HAPLN1: variants seen among roughly 807,000 people sequenced by gnomAD.
The protein encoded by HAPLN1 is Cartilage link protein.
Under a neutral mutation model 36.5 loss-of-function variants are expected in HAPLN1, and 13 were observed. That is an observed-to-expected ratio of 0.36 (90% CI 0.23 to 0.57). HAPLN1 has a LOEUF of 0.57. Among genes scored for constraint, HAPLN1 ranks in the 20% least tolerant of loss-of-function variants. HAPLN1 has a pLI of 0.83. For missense variants in HAPLN1, 407 were observed against 439.7 expected, an observed-to-expected ratio of 0.93 and a Z score of 0.66; for synonymous variants, 202 against 169.8, an observed-to-expected ratio of 1.19 and a Z score of -1.48.
chr5:83,685,796 A>G (rs890391250), intron 1 of HAPLN1: 1 of 152,180 alleles, frequency 6.6e-6, no homozygotes, highest in African/African-American at 2.4e-5. Context: ...CAGTTACTCC[A>G]TTATTGGAGT....
At chr5:83,697,472 T>G (rs1036182103) in intron 1 of HAPLN1, among the ~76,000 whole-genome samples, 1 of 152,178 alleles carries the variant, frequency 6.6e-6, no homozygotes, top group Non-Finnish European at 1.5e-5. Context: ...TTTCCACTTT[T>G]GGGCTTTAAT....
At chr5:83,689,554 A>G (rs1159986312) in intron 1 of HAPLN1, among the ~76,000 whole-genome samples, 1 of 152,096 alleles carries the variant, frequency 6.6e-6, no homozygotes, top group Non-Finnish European at 1.5e-5. Context: ...AACTTCAATA[A>G]CTTCACTATT....
At chr5:83,718,931 G>A (rs1284421928) in intron 1 of HAPLN1, among the ~76,000 whole-genome samples, 1 of 152,104 alleles carries the variant, frequency 6.6e-6, no homozygotes, top group East Asian at 1.9e-4. Flanking sequence ...AGATTCAAAG[G>A]ACTTCTTCAA....
intron 2 of HAPLN1, among the ~76,000 whole-genome samples, chr5:83,655,985 A>T (rs1191134833): frequency 6.6e-6 from 1 of 152,184 alleles, no homozygotes; most frequent in African/African-American, 2.4e-5. Context: ...GAATCTGATA[A>T]TTGGATTTAA....
chr5:83,693,940 C>G (rs1243613051), intron 1 of HAPLN1, among the ~76,000 whole-genome samples: 1 of 151,820 alleles, frequency 6.6e-6, no homozygotes, highest in East Asian at 1.9e-4. Context: ...ATACTGTAAA[C>G]CAACCTCACC....
intron 1 of HAPLN1, among the ~76,000 whole-genome samples, chr5:83,713,617 G>A (rs1561326940): frequency 6.6e-6 from 1 of 152,110 alleles, no homozygotes; most frequent in Non-Finnish European, 1.5e-5. Context: ...CTTAAGAAAT[G>A]TGCATTCAAC....
intron 1 of HAPLN1, among the ~76,000 whole-genome samples, chr5:83,680,143 C>T (rs1750964212): frequency 1.3e-5 from 2 of 152,292 alleles, no homozygotes; most frequent in Admixed American, 6.5e-5. Context: ...AGTGCATTTG[C>T]TCAGGCTGCT....
intron 2 of HAPLN1, among the ~76,000 whole-genome samples, chr5:83,658,799 C>T (rs1750293401): frequency 6.6e-6 from 1 of 152,126 alleles, no homozygotes; most frequent in Non-Finnish European, 1.5e-5. Context: ...TCTCCCTTCG[C>T]GTCCAGCCTT....
chr5:83,674,141 A>G (rs1197257826), intron 1 of HAPLN1: 8 of 152,820 alleles, frequency 5.2e-5, no homozygotes, highest in African/African-American at 1.9e-4. Context: ...ACCATCTTAC[A>G]TACTGCTTGG....
chr5:83,680,349 A>T (rs903629216), intron 1 of HAPLN1, among the ~76,000 whole-genome samples: 2 of 152,188 alleles, frequency 1.3e-5, no homozygotes, highest in African/African-American at 4.8e-5. Context: ...CCTTTAATCA[A>T]ATATTTAGGG....
chr5:83,675,796 A>G (rs1339287042), intron 1 of HAPLN1, among the ~76,000 whole-genome samples: 1 of 152,218 alleles, frequency 6.6e-6, no homozygotes, highest in Admixed American at 6.5e-5. Flanking sequence ...TTTGTCTGCA[A>G]TGGCTCATGG....
chr5:83,716,300 G>A (rs534451453), intron 1 of HAPLN1, among the ~76,000 whole-genome samples: 4 of 152,270 alleles, frequency 2.6e-5, no homozygotes, highest in Admixed American at 2.0e-4. Flanking sequence ...ATGTTAGATT[G>A]GGCAGAAGGG....
At chr5:83,716,258 G>A (rs1751909938) in intron 1 of HAPLN1, among the ~76,000 whole-genome samples, 2 of 152,164 alleles carry the variant, frequency 1.3e-5, no homozygotes, top group South Asian at 4.1e-4. Flanking sequence ...TTGGAATTTA[G>A]TAACCAGTAG....
chr5:83,656,325 C>G (rs1750211147), intron 2 of HAPLN1, among the ~76,000 whole-genome samples: 1 of 45,804 alleles, frequency 2.2e-5, no homozygotes. Context: ...AAGACTACGT[C>G]TCAAAAAAAA....
intron 1 of HAPLN1, among the ~76,000 whole-genome samples, chr5:83,702,747 C>T (rs1005608983): frequency 1.4e-4 from 21 of 150,502 alleles, no homozygotes; most frequent in Middle Eastern, 3.4e-3. Context: ...AACAGTTTTC[C>T]TTTTTTTTTT....
chr5:83,659,377 A>G (rs1750317214), intron 2 of HAPLN1, among the ~76,000 whole-genome samples: 1 of 152,144 alleles, frequency 6.6e-6, no homozygotes. Context: ...GCTTCTTACC[A>G]TTTATGAGAA....
intron 1 of HAPLN1, among the ~76,000 whole-genome samples, chr5:83,704,490 A>C (rs1309046014): frequency 6.6e-6 from 1 of 152,208 alleles, no homozygotes; most frequent in African/African-American, 2.4e-5. Context: ...ACTCAATGGT[A>C]TGCTGCCTTC....
At chr5:83,693,786 A>G (rs1751331998) in intron 1 of HAPLN1, among the ~76,000 whole-genome samples, 1 of 151,974 alleles carries the variant, frequency 6.6e-6, no homozygotes, top group Non-Finnish European at 1.5e-5. Context: ...ACATTACAAC[A>G]TTAAAAATGT....
At chr5:83,643,834 T>C (rs1383547447) in intron 4 of HAPLN1, among the ~76,000 whole-genome samples, 1 of 152,214 alleles carries the variant, frequency 6.6e-6, no homozygotes, top group Non-Finnish European at 1.5e-5. Flanking sequence ...GGTGTATGAA[T>C]AAAATGAATC....
Sources: gnomAD v4.1 joint callset for allele counts (sites outside exome capture counted in the v4.1 genomes callset) on GRCh38, gnomAD v4.1.1 for gene constraint, MANE v1.5 for transcripts, NCBI Gene and HGNC (gene_info 2026-07-23, HGNC 2026-07-21) for gene names.